RBFOX1: variants seen among roughly 807,000 people sequenced by gnomAD.
The protein encoded by RBFOX1 is RNA binding fox-1 homolog 1, also known as RNA binding protein fox-1 homolog 1.
RBFOX1 carries 8 observed loss-of-function variants against 57.7 expected under a neutral mutation model. The observed-to-expected ratio is 0.14, with a 90% confidence interval of 0.08 to 0.25. RBFOX1 has a LOEUF of 0.25. RBFOX1 is among the 10% of genes least tolerant of loss of function. RBFOX1 has a pLI of 1.00. For synonymous variants in RBFOX1, 326 were observed against 222.4 expected (o/e 1.47, Z -4.15); for missense variants, 611 against 548.5 (o/e 1.11, Z -1.14).
chr16:6,925,109 G>GTTTTTTTTTTTTTTTTTTTTTTTTTTTT (rs57556084), intron 3 of RBFOX1, among the ~76,000 whole-genome samples: 1 of 45,250 alleles, frequency 2.2e-5, no homozygotes, highest in African/African-American at 8.8e-5. Context: ...TAGGTTGTTG[G>GTTTTTTTTTTTTTTTTTTTTTTTTTTTT]TTTTTTTTTT....
chr16:5,889,516 G>T (rs954857809), intron 4 of RBFOX1, among the ~76,000 whole-genome samples: 4 of 152,184 alleles, frequency 2.6e-5, no homozygotes, highest in African/African-American at 4.8e-5. Context: ...AAATAGTGCT[G>T]CAATGAACAT....
In RBFOX1 at chr16:5,578,111, C is replaced by CCAG. The variant is rs2046530104; in HGVS notation, c.259-20789_259-20787dup. ...GGACTACAGGTGCGTGCCACCACAC[C>CCAG]CAGCTAATTTTTGTAATTTTAGTAG... is the stretch of plus-strand genomic sequence containing the variant. On this transcript the variant is annotated intron_variant, in intron 2 of 2. Coordinates refer to the RBFOX1 transcript ENST00000585867. Among the ~76,000 whole-genome samples the CCAG allele has an allele frequency of 3.9e-5, 6 of 152,196 alleles. No homozygotes were observed. The South Asian group carries it at 1.2e-3, about 32-fold the overall frequency.
At chr16:5,827,304 G>T (rs527580278) in intron 3 of RBFOX1, among the ~76,000 whole-genome samples, 24 of 151,182 alleles carry the variant, frequency 1.6e-4, no homozygotes, top group African/African-American at 5.8e-4. Flanking sequence ...GGAGGCTGAG[G>T]CAGGAAAATT....
At chr16:6,677,195 G>T (rs185867637) in intron 3 of RBFOX1, among the ~76,000 whole-genome samples, 1 of 152,224 alleles carries the variant, frequency 6.6e-6, no homozygotes, top group African/African-American at 2.4e-5. Context: ...CACATAATGA[G>T]TAAGTGGCAG....
chr16:6,178,676 C>A (rs551088096), intron 1 of RBFOX1, among the ~76,000 whole-genome samples: 11 of 152,092 alleles, frequency 7.2e-5, no homozygotes, highest in Non-Finnish European at 1.5e-4. Context: ...CCCGGATGAT[C>A]CTAGAGGGTA....
chr16:6,768,773 G>C lies in RBFOX1; in HGVS notation c.-16+114123G>C, dbSNP rs1401056902. ...TTTTTTGAGACTTGCTTTGTCGCCA[G>C]GTTGGAGTGCAATGGGGCGAACTCA... On this transcript the variant is annotated intron_variant, in intron 3 of 15. Transcript: ENST00000550418. 6.7e-5 allele frequency among the ~76,000 whole-genome samples: 10 copies of C among 149,182 alleles called. 1 individual carries two copies. The South Asian group carries it at 1.7e-3, about 25-fold the overall frequency.
At chr16:6,351,368 A>ATTTTTTTTTTTTTTTTT (rs1358836868) in intron 2 of RBFOX1, among the ~76,000 whole-genome samples, 1 of 103,858 alleles carries the variant, frequency 9.6e-6, no homozygotes, top group African/African-American at 4.4e-5. Flanking sequence ...ATATATATAT[A>ATTTTTTTTTTTTTTTTT]TATATTTTTT....
At position 6,538,137 on chromosome 16, in the gene RBFOX1, G is replaced by A. The variant is rs184114575; in HGVS notation, c.-63-116466G>A. ...TCAAGGACATTAGATTCACAATGCTGTGCAATGATTACCTCCAATAAGCAT... is the reference window on the plus strand; with the variant it reads ...TCAAGGACATTAGATTCACAATGCTATGCAATGATTACCTCCAATAAGCAT... On this transcript the variant is annotated intron_variant, in intron 2 of 15. Transcript: ENST00000550418. 1.6e-4 allele frequency among the ~76,000 whole-genome samples: 24 copies of A among 152,166 alleles called. No individual in the cohort carries two copies. The East Asian group carries it at 4.1e-3, about 26-fold the overall frequency.
intron 3 of RBFOX1, among the ~76,000 whole-genome samples, chr16:6,981,773 C>G (rs2088950171): frequency 2.0e-5 from 3 of 152,112 alleles, no homozygotes; most frequent in Admixed American, 2.0e-4. Flanking sequence ...GCCTGGTTCC[C>G]CCAGGACATG....
chr16:7,162,445 G>A (rs1035400461), intron 4 of RBFOX1, among the ~76,000 whole-genome samples: 4 of 151,594 alleles, frequency 2.6e-5, no homozygotes, highest in African/African-American at 9.7e-5. Context: ...AAAGAATCTA[G>A]ACTTCTGGGC....
chr16:7,703,903 T>C (rs867412139), intron 14 of RBFOX1, among the ~76,000 whole-genome samples: 54 of 152,236 alleles, frequency 3.5e-4, no homozygotes, highest in African/African-American at 1.3e-3. Flanking sequence ...ATGGAATTTT[T>C]CAATTGCCTC....
intron 11 of RBFOX1, among the ~76,000 whole-genome samples, chr16:7,651,983 G>C (rs937803081): frequency 6.6e-6 from 1 of 152,082 alleles, no homozygotes; most frequent in African/African-American, 2.4e-5. Flanking sequence ...TGCTGACTCT[G>C]TGGGCCCTGA....
At chr16:5,666,423 A>C (rs1042857793) in intron 3 of RBFOX1, among the ~76,000 whole-genome samples, 2 of 152,224 alleles carry the variant, frequency 1.3e-5, no homozygotes, top group African/African-American at 4.8e-5. Flanking sequence ...GACAAGGTCC[A>C]CTGAATTCCA....
chr16:6,636,752 A>T lies in RBFOX1; in HGVS notation c.-63-17851A>T, dbSNP rs540441967. ...ATAAAATAAGCCAATTATATATAAT[A>T]TAGTTTATATATATAATATATAATA... On this transcript the variant is annotated intron_variant, in intron 2 of 15. Transcript: ENST00000550418. Among the ~76,000 whole-genome samples, 384 of 118,802 alleles carry T rather than the reference A, an allele frequency of 3.2e-3. 6 individuals carry two copies. The highest frequency in any genetic ancestry group is 0.011 in the African/African-American group (357 of 32,030). The allele number at this position is 118,802 out of a possible 152,430, so 77.9% of individuals were successfully genotyped here. A position where few individuals can be genotyped will look rare whatever the true frequency, so the allele number is the denominator to read the frequency against.
chr16:6,967,275 C>T (rs190768964), intron 3 of RBFOX1, among the ~76,000 whole-genome samples: 8 of 151,370 alleles, frequency 5.3e-5, no homozygotes, highest in Admixed American at 3.3e-4. Context: ...CTCATCATTT[C>T]ATCATCCATT....
At chr16:6,605,590 C>T (rs2097914681) in intron 2 of RBFOX1, among the ~76,000 whole-genome samples, 1 of 152,138 alleles carries the variant, frequency 6.6e-6, no homozygotes, top group South Asian at 2.1e-4. Context: ...TTTACTTGTG[C>T]TGCTACTTTA....
intron 1 of RBFOX1, among the ~76,000 whole-genome samples, chr16:6,148,076 C>T (rs1421029674): frequency 6.6e-6 from 1 of 152,198 alleles, no homozygotes. Context: ...AGCCTGTAAT[C>T]CCAGCACTTC....
In RBFOX1 at chr16:7,218,628, C is replaced by CTGTGTGTGTGTG. The variant is rs60333818; in HGVS notation, c.27+166572_27+166583dup. Among the ~76,000 whole-genome samples, 298 of 127,506 alleles carry CTGTGTGTGTGTG rather than the reference C, an allele frequency of 2.3e-3. 2 individuals are homozygous for CTGTGTGTGTGTG. The highest frequency in any genetic ancestry group is 4.2e-3 in the Middle Eastern group (1 of 240). The allele number at this position is 127,506 out of a possible 152,430, so 83.6% of individuals were successfully genotyped here. ...TTGACTTAGGGTTTGTGGGGGTTTG[C>CTGTGTGTGTGTG]TGTGTGTGTGTGTGTGTGTGTGTGT... On this transcript the variant is annotated intron_variant, in intron 4 of 15. Coordinates refer to ENST00000550418, the MANE Select transcript of RBFOX1 (RefSeq NM_018723.4).
At chr16:5,655,053 C>T (rs758048023) in intron 3 of RBFOX1, among the ~76,000 whole-genome samples, 2 of 152,188 alleles carry the variant, frequency 1.3e-5, no homozygotes, top group Non-Finnish European at 2.9e-5. Context: ...AGGACGCACA[C>T]ACTAGGGCGC....
Sources: allele counts gnomAD v4.1 joint callset (sites outside exome capture counted in the v4.1 genomes callset), GRCh38; gene constraint gnomAD v4.1.1; transcripts MANE v1.5; gene names NCBI Gene and HGNC (gene_info 2026-07-23, HGNC 2026-07-21).